The following CLEC2B variants were observed in gnomAD, a reference collection of about 807,000 sequenced individuals.
CLEC2B encodes the protein C-type lectin domain family 2 member B.
In CLEC2B, 14 loss-of-function variants were observed where a neutral mutation model predicts 16.2. The ratio of observed to expected loss-of-function variants is 0.86; its 90% confidence interval spans 0.57 to 1.35. The LOEUF is 1.35. Ranked by LOEUF, CLEC2B falls within the 40% of genes most tolerant of loss-of-function variation. CLEC2B has a pLI of 0.00. For missense variants in CLEC2B, 166 were observed against 182.3 expected (o/e 0.91, Z 0.52); for synonymous variants, 42 against 55.8 (o/e 0.75, Z 1.10).
At chr12:9,865,531 T>C (rs1867964738) in intron 1 of CLEC2B, among the ~76,000 whole-genome samples, 1 of 152,150 alleles carries the variant, frequency 6.6e-6, no homozygotes, top group African/African-American at 2.4e-5. Context: ...CATTCATTGA[T>C]CTAAAGGGAG....
intron 1 of CLEC2B, among the ~76,000 whole-genome samples, chr12:9,868,683 C>T (rs1217702273): frequency 6.6e-6 from 1 of 151,986 alleles, no homozygotes; most frequent in Non-Finnish European, 1.5e-5. Flanking sequence ...AGAACATTTT[C>T]TTTCCTTATC....
rs751475101 is a variant in CLEC2B at position 9,853,421 on chromosome 12, G to A, written c.342-13C>T. 1.9e-6 allele frequency: 3 copies of A among 1,599,724 alleles called. No homozygotes were observed. The highest frequency in any genetic ancestry group is 2.7e-5 in the African/African-American group (2 of 74,638). On this transcript the variant is annotated splice_polypyrimidine_tract_variant and intron_variant, in intron 4 of 4. Transcript: ENST00000228438. Reference sequence around the variant, plus strand: ...TCTCATGCCAAACCTGCAACAAAGGGATTAACCATTATGTAGTCATGTGAT... The same window carrying A: ...TCTCATGCCAAACCTGCAACAAAGGAATTAACCATTATGTAGTCATGTGAT...
intron 2 of CLEC2B, among the ~76,000 whole-genome samples, chr12:9,861,727 A>C (rs1236363220): frequency 6.6e-6 from 1 of 152,150 alleles, no homozygotes; most frequent in Non-Finnish European, 1.5e-5. Context: ...AACTCAGCTC[A>C]CCTTCTGTTT....
At chr12:9,857,680 A>G (rs1419506645) in intron 2 of CLEC2B, 43 bp from the exon 3 acceptor site, 8 of 1,419,138 alleles carry the variant, frequency 5.6e-6, no homozygotes, top group Non-Finnish European at 7.9e-6. Context: ...CATATAGAAT[A>G]ATATGCTACT....
intron 1 of CLEC2B, among the ~76,000 whole-genome samples, chr12:9,863,559 A>G (rs771425490): frequency 6.6e-6 from 1 of 152,224 alleles, no homozygotes; most frequent in Non-Finnish European, 1.5e-5. Context: ...AATAACACAA[A>G]AAACAATTCA....
chr12:9,853,372 G>T lies in CLEC2B; in HGVS notation c.378C>A (p.Leu126=). ...GMRGSEGCAY[L]SDDGAATARC... is the part of the protein sequence containing the mutation. ...TAGCTGTTGCTGCACCATCATCGCT[G>T]AGGTAGGCACATCCTTCACTCCCTC... The change falls in exon 5 of 5, where the codon CTC becomes CTA. Residue 126 remains leucine, a synonymous_variant. Coordinates refer to ENST00000228438, the MANE Select transcript of CLEC2B (RefSeq NM_005127.3). The T allele has an allele frequency of 5.0e-6, 8 of 1,614,010 alleles. No individual in the cohort carries two copies. The highest frequency in any genetic ancestry group is 6.8e-6 in the Non-Finnish European group (8 of 1,179,940).
intron 1 of CLEC2B, among the ~76,000 whole-genome samples, chr12:9,865,299 A>G (rs1485452370): frequency 1.3e-5 from 2 of 152,164 alleles, no homozygotes; most frequent in Admixed American, 1.3e-4. Flanking sequence ...CAGAGAATGA[A>G]AGTGAAGGGG....
chr12:9,854,379 A>G lies in CLEC2B; in HGVS notation c.341+2T>C. ...AGTGATCCCAGAAAAAAATAAACTCACGATTTGGTAAATGTAGCTCCATCT... is the reference window on the plus strand; with the variant it reads ...AGTGATCCCAGAAAAAAATAAACTCGCGATTTGGTAAATGTAGCTCCATCT... On this transcript the variant is annotated splice_donor_variant, in intron 4 of 4. Transcript: ENST00000228438. LOFTEE classifies it high-confidence loss of function. 6.2e-7 allele frequency: 1 copy of G among 1,600,842 alleles called. No individual in the cohort carries two copies. The highest frequency in any genetic ancestry group is 1.3e-5 in the African/African-American group (1 of 74,556).
chr12:9,867,688 ATGAGG>A (rs1867982191), intron 1 of CLEC2B, among the ~76,000 whole-genome samples: 1 of 152,152 alleles, frequency 6.6e-6, no homozygotes, highest in Non-Finnish European at 1.5e-5. Flanking sequence ...TTAACGTTTG[ATGAGG>A]CTATGCTTAA....
At chr12:9,859,340 T>C (rs1158350300) in intron 2 of CLEC2B, among the ~76,000 whole-genome samples, 7 of 151,932 alleles carry the variant, frequency 4.6e-5, no homozygotes, top group Middle Eastern at 6.8e-3. Context: ...AAGTTTAAAG[T>C]CATAAGATGA....
chr12:9,857,370 T>C, intron 3 of CLEC2B, 104 bp downstream of exon 3: 1 of 812,218 alleles, frequency 1.2e-6, no homozygotes. Context: ...ATTTTCTGCA[T>C]AGATAGGCAT....
At chr12:9,855,955 C>T (rs1867891863) in intron 3 of CLEC2B, among the ~76,000 whole-genome samples, 1 of 152,036 alleles carries the variant, frequency 6.6e-6, no homozygotes, top group African/African-American at 2.4e-5. Flanking sequence ...TTCTGTTTGT[C>T]ACTTAAATTT....
chr12:9,854,259 C>T (rs1378884019), intron 4 of CLEC2B, 122 bp downstream of exon 4: 2 of 577,850 alleles, frequency 3.5e-6, no homozygotes, highest in East Asian at 3.0e-5. Context: ...ATATTCAATC[C>T]CCCCTCCATC....
At chr12:9,853,666 T>C (rs1041826215) in intron 4 of CLEC2B, among the ~76,000 whole-genome samples, 1 of 152,182 alleles carries the variant, frequency 6.6e-6, no homozygotes, top group African/African-American at 2.4e-5. Context: ...TGGTTTTCAA[T>C]TAGGGGTGAT....
intron 4 of CLEC2B, 60 bp downstream of exon 4, chr12:9,854,321 A>G (rs1867876459): frequency 2.7e-6 from 3 of 1,094,708 alleles, no homozygotes; most frequent in Non-Finnish European, 4.1e-6. Flanking sequence ...GCTAAAGCAT[A>G]AGTCCTAGAG....
intron 1 of CLEC2B, among the ~76,000 whole-genome samples, chr12:9,864,357 A>C (rs1309264132): frequency 9.2e-5 from 14 of 152,192 alleles, no homozygotes; most frequent in Admixed American, 7.8e-4. Flanking sequence ...AAACAGCTGA[A>C]TATCTAAAAT....
At chr12:9,864,340 G>T (rs758885101) in intron 1 of CLEC2B, among the ~76,000 whole-genome samples, 1 of 151,800 alleles carries the variant, frequency 6.6e-6, no homozygotes, top group South Asian at 2.1e-4. Context: ...AAAAACACAC[G>T]AACAGAAAAC....
chr12:9,854,349 ATT>A, intron 4 of CLEC2B, 30 bp downstream of exon 4: 4 of 1,470,058 alleles, frequency 2.7e-6, no homozygotes, highest in Non-Finnish European at 3.8e-6. Context: ...CACTATCTAA[ATT>A]TAAGTGATCC....
chr12:9,867,546 T>C (rs552190838), intron 1 of CLEC2B, among the ~76,000 whole-genome samples: 1 of 152,252 alleles, frequency 6.6e-6, no homozygotes, highest in Non-Finnish European at 1.5e-5. Context: ...ATTATTTACA[T>C]GAGTTATCAG....
Sources: gnomAD v4.1 joint callset for allele counts (sites outside exome capture counted in the v4.1 genomes callset) on GRCh38, gnomAD v4.1.1 for gene constraint, MANE v1.5 for transcripts, NCBI Gene and HGNC (gene_info 2026-07-23, HGNC 2026-07-21) for gene names.